The following BEND5 variants were observed in gnomAD, a reference collection of about 807,000 sequenced individuals.
BEND5 encodes the protein BEN domain-containing protein 5.
In BEND5, 22 loss-of-function variants were observed where a neutral mutation model predicts 43.9. The observed-to-expected ratio is 0.50, with a 90% CI of 0.36 to 0.72. The LOEUF (loss-of-function observed/expected upper bound fraction) is 0.72. Ranked by LOEUF, BEND5 falls within the 30% of genes least tolerant of loss-of-function variation. BEND5 has a pLI of 0.00. For synonymous variants in BEND5, 228 were observed against 225.9 expected, an observed-to-expected ratio of 1.01 and a Z score of -0.08; for missense variants, 428 against 550.6, an observed-to-expected ratio of 0.78 and a Z score of 2.23.
At chr1:48,752,584 C>T (rs1465280600) in intron 3 of BEND5, among the ~76,000 whole-genome samples, 2 of 152,100 alleles carry the variant, frequency 1.3e-5, no homozygotes, top group African/African-American at 4.8e-5. Context: ...CATCCCAGAC[C>T]GTCACATCTG....
intron 3 of BEND5, among the ~76,000 whole-genome samples, chr1:48,752,870 C>T (rs1651964520): frequency 6.6e-6 from 1 of 152,128 alleles, no homozygotes. Context: ...CTGCCTCAGC[C>T]TCCTGAGTAG....
intron 3 of BEND5, among the ~76,000 whole-genome samples, chr1:48,752,605 T>C (rs1420674218): frequency 1.3e-5 from 2 of 152,244 alleles, no homozygotes; most frequent in African/African-American, 4.8e-5. Context: ...TGTTCTGCTG[T>C]AGGACAATGG....
At chr1:48,762,792 T>C (rs564124969) in intron 1 of BEND5, among the ~76,000 whole-genome samples, 1 of 152,244 alleles carries the variant, frequency 6.6e-6, no homozygotes, top group East Asian at 1.9e-4. Context: ...ATGCTGAATC[T>C]TCTCAAATGC....
intron 3 of BEND5, among the ~76,000 whole-genome samples, chr1:48,748,628 T>C (rs1206505951): frequency 1.3e-5 from 2 of 152,086 alleles, no homozygotes; most frequent in East Asian, 1.9e-4. Flanking sequence ...GGTGGGGTAG[T>C]TCTCATAAGG....
In BEND5 at chr1:48,757,686, G is replaced by T. The variant is rs564321523; in HGVS notation, c.745+1214C>A. 3.3e-5 allele frequency among the ~76,000 whole-genome samples: 5 copies of T among 152,304 alleles called. No individual in the cohort carries two copies. In the South Asian group the frequency reaches 8.3e-4, roughly 25 times the overall value. On this transcript the variant is annotated intron_variant, in intron 3 of 5. Coordinates refer to ENST00000371833, the MANE Select transcript of BEND5 (RefSeq NM_024603.4). ...TGGGGATATACTTTAAGAAGCAAAT[G>T]ACACCTACAAATATAAGTAAATTAG...
In BEND5 at chr1:48,748,860, CTG is replaced by C. The variant is rs1651195183; in HGVS notation, c.746-6091_746-6090del. Reference sequence around the variant, plus strand: ...TTCAGGTCCTCTCTCTCTCCATTTTCTGTGAGTGAGGGCAGGAGCAGGCTTCG... The same window carrying C: ...TTCAGGTCCTCTCTCTCTCCATTTTCTGAGTGAGGGCAGGAGCAGGCTTCG... On this transcript the variant is annotated intron_variant, in intron 3 of 5. Coordinates refer to ENST00000371833, the MANE Select transcript of BEND5 (RefSeq NM_024603.4). Among the ~76,000 whole-genome samples, 5 of 152,194 alleles carry C rather than the reference CTG, an allele frequency of 3.3e-5. No individual in the cohort carries two copies. The South Asian group carries it at 1.0e-3, about 32-fold the overall frequency.
At chr1:48,770,558 C>T (rs1391965979) in intron 1 of BEND5, among the ~76,000 whole-genome samples, 1 of 152,198 alleles carries the variant, frequency 6.6e-6, no homozygotes, top group Non-Finnish European at 1.5e-5. Context: ...TTCAAACCTT[C>T]CTTAGTTCAT....
At chr1:48,769,526 A>AACACACACACACAC (rs558937968) in intron 1 of BEND5, among the ~76,000 whole-genome samples, 182 of 130,300 alleles carry the variant, frequency 1.4e-3, no homozygotes, top group African/African-American at 2.6e-3. Flanking sequence ...GAGGATTTAA[A>AACACACACACACAC]ACACACACAC....
chr1:48,753,210 C>T (rs1652029384), intron 3 of BEND5, among the ~76,000 whole-genome samples: 1 of 152,212 alleles, frequency 6.6e-6, no homozygotes, highest in Admixed American at 6.5e-5. Flanking sequence ...CCTCAGAGCC[C>T]ATTAGGGCTC....
chr1:48,730,410 G>C (rs974578116), intron 5 of BEND5, among the ~76,000 whole-genome samples: 1 of 152,192 alleles, frequency 6.6e-6, no homozygotes, highest in Non-Finnish European at 1.5e-5. Flanking sequence ...TACGAAAGTA[G>C]CATTTCAAAC....
intron 5 of BEND5, among the ~76,000 whole-genome samples, chr1:48,730,105 A>T (rs1386809786): frequency 6.6e-6 from 1 of 152,102 alleles, no homozygotes; most frequent in East Asian, 1.9e-4. Context: ...TCTACCTAGA[A>T]CTCTGTGCTC....
chr1:48,733,766 G>T (rs1474636444), intron 5 of BEND5, among the ~76,000 whole-genome samples: 1 of 152,150 alleles, frequency 6.6e-6, no homozygotes, highest in African/African-American at 2.4e-5. Flanking sequence ...TGATTTACAA[G>T]AAATCACACA....
intron 1 of BEND5, among the ~76,000 whole-genome samples, chr1:48,771,888 A>G (rs1453649147): frequency 6.6e-6 from 1 of 152,218 alleles, no homozygotes; most frequent in African/African-American, 2.4e-5. Flanking sequence ...GGTTTCTTCT[A>G]GCTAGTTGAG....
intron 3 of BEND5, among the ~76,000 whole-genome samples, chr1:48,755,244 T>C (rs1166381844): frequency 6.6e-6 from 1 of 152,058 alleles, no homozygotes; most frequent in African/African-American, 2.4e-5. Context: ...TCCCCATCAG[T>C]CTGAAAAGAC....
intron 3 of BEND5, among the ~76,000 whole-genome samples, chr1:48,757,689 A>G (rs1644014726): frequency 6.6e-6 from 1 of 152,254 alleles, no homozygotes; most frequent in African/African-American, 2.4e-5. Flanking sequence ...AGCAAATGAC[A>G]CCTACAAATA....
chr1:48,752,230 A>G (rs1440642421), intron 3 of BEND5, among the ~76,000 whole-genome samples: 2 of 152,136 alleles, frequency 1.3e-5, no homozygotes, highest in Non-Finnish European at 2.9e-5. Context: ...ACTCCTGCTC[A>G]TTGTGAAAAT....
At chr1:48,773,017 C>T (rs912134958) in intron 1 of BEND5, among the ~76,000 whole-genome samples, 4 of 152,226 alleles carry the variant, frequency 2.6e-5, no homozygotes, top group East Asian at 3.9e-4. Flanking sequence ...GAAAAGTCAA[C>T]GCCTGCCACC....
At chr1:48,773,939 A>G (rs775310709) in intron 1 of BEND5, among the ~76,000 whole-genome samples, 9 of 152,368 alleles carry the variant, frequency 5.9e-5, no homozygotes, top group Middle Eastern at 3.4e-3. Flanking sequence ...TTGTAATTTG[A>G]TAAGTAGTGG....
At chr1:48,763,695 T>C (rs1644391770) in intron 1 of BEND5, among the ~76,000 whole-genome samples, 1 of 152,170 alleles carries the variant, frequency 6.6e-6, no homozygotes, top group Admixed American at 6.5e-5. Flanking sequence ...AGGATCATGT[T>C]AGTGTGGAGA....
Sources: gnomAD v4.1 joint callset for allele counts (sites outside exome capture counted in the v4.1 genomes callset) on GRCh38, gnomAD v4.1.1 for gene constraint, MANE v1.5 for transcripts, NCBI Gene and HGNC (gene_info 2026-07-23, HGNC 2026-07-21) for gene names.